Variants in TMEM126A observed in about 807,000 individuals in gnomAD.
TMEM126A encodes the protein optic atrophy 7.
A neutral mutation model predicts 18.3 loss-of-function variants in TMEM126A; 10 were observed. The ratio of observed to expected loss-of-function variants is 0.55; its 90% CI spans 0.34 to 0.93. The LOEUF is 0.93. Ranked by LOEUF, TMEM126A falls within the 40% of genes least tolerant of loss-of-function variation. The probability of loss-of-function intolerance (pLI) is 0.02; values close to 1 mark genes in which losing one functional copy is unlikely to be tolerated. For synonymous variants in TMEM126A, 68 were observed against 78.1 expected (o/e 0.87, Z 0.68); for missense variants, 246 against 230.2 (o/e 1.07, Z -0.44).
chr11:85,655,823 AT>A, intron 4 of TMEM126A, 115 bp downstream of exon 4: 1 of 718,168 alleles, frequency 1.4e-6, no homozygotes, highest in African/African-American at 1.8e-5. Flanking sequence ...TACCCTCTTG[AT>A]TAGAAGTTAG....
At position 85,647,970 on chromosome 11, in the gene TMEM126A, C is replaced by G. The variant is rs1044171899; in HGVS notation, c.-127C>G. ...AGCCGCGACCCGGCGCCCGCCCACGCCGCGTCACGAGTCAGCCAAAGATGG... is the reference window on the plus strand; with the variant it reads ...AGCCGCGACCCGGCGCCCGCCCACGGCGCGTCACGAGTCAGCCAAAGATGG... On this transcript the variant is annotated 5_prime_UTR_variant, in exon 1 of 5. Transcript: ENST00000304511. 1 of 152,446 alleles carries G rather than the reference C, an allele frequency of 6.6e-6. No homozygotes were observed. The highest frequency in any genetic ancestry group is 2.4e-5 in the African/African-American group (1 of 41,476). The allele number at this position is 152,446 out of a possible 1,614,324, so 9.4% of individuals were successfully genotyped here.
At chr11:85,652,414 T>C (rs1199837204) in intron 2 of TMEM126A, among the ~76,000 whole-genome samples, 1 of 152,256 alleles carries the variant, frequency 6.6e-6, no homozygotes, top group Non-Finnish European at 1.5e-5. Context: ...ATTAATCAGG[T>C]ATTTAATGGT....
chr11:85,651,725 A>T (rs544485337), intron 2 of TMEM126A, among the ~76,000 whole-genome samples: 2 of 152,216 alleles, frequency 1.3e-5, no homozygotes, highest in East Asian at 3.9e-4. Context: ...TGAGATCTTA[A>T]AAGCTCTTTC....
intron 1 of TMEM126A, 22 bp downstream of exon 1, chr11:85,648,111 G>A (rs1378558521): frequency 6.6e-6 from 1 of 152,372 alleles, no homozygotes; most frequent in African/African-American, 2.4e-5. Flanking sequence ...CCGGGGGAGG[G>A]GGTGAAGTAA....
At chr11:85,653,263 TA>T (rs1425366593) in intron 2 of TMEM126A, among the ~76,000 whole-genome samples, 1 of 152,212 alleles carries the variant, frequency 6.6e-6, no homozygotes, top group Non-Finnish European at 1.5e-5. Context: ...CAATACCTTA[TA>T]CAACGTAGGA....
At chr11:85,651,113 T>C (rs1446787577) in intron 2 of TMEM126A, among the ~76,000 whole-genome samples, 10 of 123,014 alleles carry the variant, frequency 8.1e-5, no homozygotes, top group African/African-American at 3.1e-4. Flanking sequence ...GAAAAACCAA[T>C]ATAGGGAACA....
intron 3 of TMEM126A, 102 bp from the exon 4 acceptor site, chr11:85,655,492 C>A: frequency 1.2e-6 from 1 of 859,788 alleles, no homozygotes; most frequent in Admixed American, 1.8e-5. Context: ...TGATATATTA[C>A]CTGAAAAATA....
intron 2 of TMEM126A, among the ~76,000 whole-genome samples, chr11:85,653,648 C>A (rs536668829): frequency 7.1e-4 from 108 of 152,152 alleles, no homozygotes; most frequent in Non-Finnish European, 1.0e-3. Flanking sequence ...TACTCCCAAT[C>A]CTGACACTAA....
Position 85,651,514 on chromosome 11 carries a change from A to T in TMEM126A, c.86+1173A>T, listed in dbSNP as rs2082499625. On this transcript the variant is annotated intron_variant, in intron 2 of 4. Coordinates refer to ENST00000304511, the MANE Select transcript of TMEM126A (RefSeq NM_032273.4). ...GTGAGTGGAGATGGTAGGGGTGGTG[A>T]CAGCTGAGATGAAAAGAGGATGCAT... Among the ~76,000 whole-genome samples, 5 of 152,208 alleles carry T rather than the reference A, an allele frequency of 3.3e-5. 1 individual carries two copies. In the South Asian group the frequency reaches 1.0e-3, roughly 32 times the overall value.
intron 3 of TMEM126A, 70 bp downstream of exon 3, chr11:85,654,326 T>G: frequency 7.0e-7 from 1 of 1,428,258 alleles, no homozygotes; most frequent in South Asian, 1.2e-5. Context: ...AGTCCATACT[T>G]ATTAATATCA....
Position 85,656,322 on chromosome 11 carries a change from C to G in TMEM126A, c.409C>G (p.Leu137Val), listed in dbSNP as rs765038408. 6.2e-7 allele frequency: 1 copy of G among 1,611,336 alleles called. No homozygotes were observed. The highest frequency in any genetic ancestry group is 1.7e-5 in the Admixed American group (1 of 59,986). The change falls in exon 5 of 5, where the codon CTG becomes GTG. Residue 137 changes from leucine (L) to valine (V), a missense_variant. Physicochemically the swap from Leu to Val is conservative, Grantham distance 32. Transcript: ENST00000304511. ...GGLAARYQSALLPHKGNILSY... is the reference protein window; with the variant it reads ...GGLAARYQSAVLPHKGNILSY... ...GTTTTCTTACAGGTATCAATCAGCT[C>G]TGTTACCACACAAAGGGAACATCTT...
intron 2 of TMEM126A, among the ~76,000 whole-genome samples, chr11:85,652,165 A>G (rs1024437818): frequency 2.0e-4 from 30 of 152,238 alleles, no homozygotes; most frequent in African/African-American, 5.8e-4. Flanking sequence ...CTGTCTCAAA[A>G]AAGAGTAGAT....
In TMEM126A at chr11:85,654,163, G is replaced by C. The variant is rs1415736864; in HGVS notation, c.187G>C (p.Ala63Pro). 2 of 1,614,044 alleles carry C rather than the reference G, an allele frequency of 1.2e-6. No homozygotes were observed. The highest frequency in any genetic ancestry group is 1.7e-5 in the Admixed American group (1 of 59,996). The change falls in exon 3 of 5, where the codon GCT becomes CCT. Residue 63 changes from alanine (A) to proline (P), a missense_variant. Transcript: ENST00000304511. ...TCGACGCATCTTGAATGTGACAAAG[G>C]CTCGCATAGCTGCTGGCTTACCAAT... ...LFRRILNVTK[A>P]RIAAGLPMAG... is the part of the protein sequence containing the mutation.
chr11:85,653,925 T>C, intron 2 of TMEM126A, 138 bp from the exon 3 acceptor site: 1 of 1,001,658 alleles, frequency 1.0e-6, no homozygotes, highest in South Asian at 1.4e-5. Flanking sequence ...TAAAGCAATT[T>C]TTAAGATTTT....
chr11:85,653,872 G>A (rs1482670042), intron 2 of TMEM126A, among the ~76,000 whole-genome samples, 191 bp from the exon 3 acceptor site: 1 of 152,170 alleles, frequency 6.6e-6, no homozygotes, highest in African/African-American at 2.4e-5. Flanking sequence ...GAGCTCAGGA[G>A]AGGCACCCAC....
rs1242859663 is a variant in TMEM126A at position 85,650,291 on chromosome 11, A to G, written c.36A>G (p.Ile12Met). Residue 12 changes from isoleucine to methionine, a missense_variant, in exon 2 of 5, where the codon ATA becomes ATG. Ile to Met is a conservative substitution (Grantham distance 10). Transcript: ENST00000304511. ...ATAAATCCAATAATAAGGAAAACATAACAATTGTTGATATATCCAGAAAAA... is the reference window on the plus strand; with the variant it reads ...ATAAATCCAATAATAAGGAAAACATGACAATTGTTGATATATCCAGAAAAA... ...ENHKSNNKENITIVDISRKIN... is the reference protein window; with the variant it reads ...ENHKSNNKENMTIVDISRKIN... The G allele has an allele frequency of 2.7e-5, 44 of 1,607,090 alleles. No individual in the cohort carries two copies. In the East Asian group the frequency reaches 9.4e-4, roughly 34 times the overall value.
chr11:85,651,669 A>G (rs1333157089), intron 2 of TMEM126A, among the ~76,000 whole-genome samples: 2 of 152,158 alleles, frequency 1.3e-5, no homozygotes, highest in Non-Finnish European at 2.9e-5. Context: ...GTTCAGAACA[A>G]GGATCTCCAA....
At chr11:85,655,438 A>G in intron 3 of TMEM126A, 156 bp from the exon 4 acceptor site, 1 of 620,256 alleles carries the variant, frequency 1.6e-6, no homozygotes, top group South Asian at 1.9e-5. Flanking sequence ...TAAGTTACTC[A>G]TAGATGTAAT....
chr11:85,652,926 G>C (rs1022827349), intron 2 of TMEM126A, among the ~76,000 whole-genome samples: 17 of 151,526 alleles, frequency 1.1e-4, no homozygotes, highest in Admixed American at 5.3e-4. Context: ...AAGTGTTCAA[G>C]TTTTTTATTC....
Sources: gnomAD v4.1 joint callset for allele counts (sites outside exome capture counted in the v4.1 genomes callset) on GRCh38, gnomAD v4.1.1 for gene constraint, MANE v1.5 for transcripts, NCBI Gene and HGNC (gene_info 2026-07-23, HGNC 2026-07-21) for gene names.